Variants in TSNAX observed in about 807,000 individuals in gnomAD.
TSNAX encodes the protein translin-associated protein X.
Under a neutral mutation model 33.0 loss-of-function variants are expected in TSNAX, and 12 were observed. The observed-to-expected ratio is 0.36, with a 90% CI of 0.23 to 0.59. The LOEUF is 0.59. Ranked by LOEUF, TSNAX falls within the 20% of genes least tolerant of loss-of-function variation. TSNAX has a pLI of 0.74. For missense variants in TSNAX, 267 were observed against 341.3 expected (o/e 0.78, Z 1.72); for synonymous variants, 110 against 117.2 (o/e 0.94, Z 0.40).
At chr1:231,559,252 T>G (rs535095946) in intron 4 of TSNAX, among the ~76,000 whole-genome samples, 1 of 152,080 alleles carries the variant, frequency 6.6e-6, no homozygotes, top group African/African-American at 2.4e-5. Flanking sequence ...GAAATGCTTT[T>G]TCCCTGTATC....
At chr1:231,552,847 C>G (rs1412893656) in intron 4 of TSNAX, among the ~76,000 whole-genome samples, 1 of 152,166 alleles carries the variant, frequency 6.6e-6, no homozygotes, top group Non-Finnish European at 1.5e-5. Context: ...TGAATCAAAC[C>G]ATGTATGGCC....
chr1:231,547,316 T>G (rs1659976616), intron 4 of TSNAX, among the ~76,000 whole-genome samples: 1 of 152,048 alleles, frequency 6.6e-6, no homozygotes, highest in East Asian at 1.9e-4. Flanking sequence ...TAGACTATTA[T>G]CCATCTCTGA....
chr1:231,563,622 GAT>G (rs1472880120), intron 5 of TSNAX: 1 of 154,412 alleles, frequency 6.5e-6, no homozygotes, highest in Non-Finnish European at 1.5e-5. Context: ...GAGACTGGAG[GAT>G]AGAAGGTAAA....
At chr1:231,559,479 C>G (rs1039739541) in intron 4 of TSNAX, among the ~76,000 whole-genome samples, 4 of 152,110 alleles carry the variant, frequency 2.6e-5, no homozygotes, top group Middle Eastern at 3.2e-3. Flanking sequence ...CAGGCACCCG[C>G]CACCATGCCC....
At chr1:231,560,541 A>T (rs1347864421) in intron 4 of TSNAX, among the ~76,000 whole-genome samples, 1 of 147,472 alleles carries the variant, frequency 6.8e-6, no homozygotes, top group Non-Finnish European at 1.5e-5. Context: ...CAGCCTCCCG[A>T]GTAGCTGGGA....
At chr1:231,541,791 A>G (rs1487862147) in intron 3 of TSNAX, among the ~76,000 whole-genome samples, 2 of 152,130 alleles carry the variant, frequency 1.3e-5, no homozygotes, top group East Asian at 3.8e-4. Context: ...ACTTTGGGCA[A>G]TTCTTTTTCC....
At chr1:231,564,481 T>TTGTGTGTG in intron 5 of TSNAX, 47 bp from the exon 6 acceptor site, 1 of 1,522,714 alleles carries the variant, frequency 6.6e-7, no homozygotes. Context: ...GTGTTCTTTC[T>TTGTGTGTG]TGTGTGTGTG....
At chr1:231,533,589 A>G (rs1282815712) in intron 2 of TSNAX, among the ~76,000 whole-genome samples, 4 of 152,216 alleles carry the variant, frequency 2.6e-5, no homozygotes, top group Non-Finnish European at 5.9e-5. Flanking sequence ...GTAAAGAAAT[A>G]CTGTCTCTTT....
intron 5 of TSNAX, among the ~76,000 whole-genome samples, chr1:231,562,902 A>T (rs1353412063): frequency 6.6e-6 from 1 of 152,186 alleles, no homozygotes; most frequent in Non-Finnish European, 1.5e-5. Flanking sequence ...TGGAAACATT[A>T]GTGCCACTAA....
At chr1:231,556,704 T>C (rs1348242501) in intron 4 of TSNAX, among the ~76,000 whole-genome samples, 1 of 152,192 alleles carries the variant, frequency 6.6e-6, no homozygotes, top group African/African-American at 2.4e-5. Context: ...TACCTACCTA[T>C]TGCCATGTAT....
chr1:231,564,052 A>C (rs1213543432), intron 5 of TSNAX, among the ~76,000 whole-genome samples: 9 of 152,168 alleles, frequency 5.9e-5, no homozygotes, highest in Admixed American at 5.9e-4. Context: ...TTGAGGATGC[A>C]GTGAGAGAAT....
chr1:231,559,986 T>TTA (rs1466682898), intron 4 of TSNAX, among the ~76,000 whole-genome samples: 2 of 132,462 alleles, frequency 1.5e-5, no homozygotes, highest in Non-Finnish European at 3.1e-5. Context: ...ATTATTATTA[T>TTA]TTTTTTTTTT....
At chr1:231,544,383 G>C (rs1184233909) in intron 4 of TSNAX, among the ~76,000 whole-genome samples, 1 of 152,054 alleles carries the variant, frequency 6.6e-6, no homozygotes, top group African/African-American at 2.4e-5. Context: ...ATTCATGACA[G>C]TTAATAAATG....
chr1:231,554,115 T>C lies in TSNAX; in HGVS notation c.368-7013T>C, dbSNP rs545372589. ...AAATTAAATAACTGACACTCACCCA[T>C]ATTTAATAGAGATTGACACCAAAGA... On this transcript the variant is annotated intron_variant, in intron 4 of 5. Coordinates refer to ENST00000366639, the MANE Select transcript of TSNAX (RefSeq NM_005999.3). Among the ~76,000 whole-genome samples the C allele has an allele frequency of 5.3e-5, 8 of 152,356 alleles. No individual in the cohort carries two copies. The East Asian group carries it at 9.6e-4, about 18-fold the overall frequency.
intron 4 of TSNAX, chr1:231,554,680 A>T (rs376405704): frequency 1.3e-5 from 2 of 152,162 alleles, no homozygotes; most frequent in South Asian, 2.1e-4. Flanking sequence ...TCATGAAAGT[A>T]TATAGTGTGT....
chr1:231,534,746 T>C (rs925977634), intron 2 of TSNAX: 1 of 152,232 alleles, frequency 6.6e-6, no homozygotes. Context: ...GATGCTCTTA[T>C]CCAGTATGTT....
At position 231,529,247 on chromosome 1, in the gene TSNAX, T is replaced by C. The variant is rs1316512093; in HGVS notation, c.17-8T>C. 2.5e-6 allele frequency: 4 copies of C among 1,612,742 alleles called. No homozygotes were observed. The highest frequency in any genetic ancestry group is 2.5e-6 in the Non-Finnish European group (3 of 1,179,540). On this transcript the variant is annotated splice_region_variant and splice_polypyrimidine_tract_variant and intron_variant, in intron 1 of 5. Transcript: ENST00000366639. ...AAGATCCCTCTCTTTTTTTCTTCTCTATATAAGGATCAGGAGGGTTCAGGA... is the reference window on the plus strand; with the variant it reads ...AAGATCCCTCTCTTTTTTTCTTCTCCATATAAGGATCAGGAGGGTTCAGGA...
At chr1:231,559,277 G>A (rs970922532) in intron 4 of TSNAX, among the ~76,000 whole-genome samples, 4 of 151,762 alleles carry the variant, frequency 2.6e-5, no homozygotes, top group African/African-American at 4.9e-5. Flanking sequence ...TTCAGATTAA[G>A]ACATCAAATA....
intron 1 of TSNAX, 151 bp downstream of exon 1, chr1:231,528,977 G>A: frequency 9.2e-7 from 1 of 1,085,638 alleles, no homozygotes; most frequent in Non-Finnish European, 1.4e-6. Context: ...CGGCCAGATC[G>A]GCCCTGTTTA....
Sources: allele counts gnomAD v4.1 joint callset (sites outside exome capture counted in the v4.1 genomes callset), GRCh38; gene constraint gnomAD v4.1.1; transcripts MANE v1.5; gene names NCBI Gene and HGNC (gene_info 2026-07-23, HGNC 2026-07-21).